PRKAR2B: variants seen among roughly 807,000 people sequenced by gnomAD.
The protein encoded by PRKAR2B is cAMP-dependent protein kinase type II-beta regulatory subunit.
PRKAR2B carries 14 observed loss-of-function variants against 49.9 expected under a neutral mutation model. The ratio of observed to expected loss-of-function variants is 0.28; its 90% CI spans 0.19 to 0.44. The LOEUF (loss-of-function observed/expected upper bound fraction) is 0.44. Ranked by LOEUF, PRKAR2B falls within the 20% of genes least tolerant of loss-of-function variation. The pLI is 1.00. For missense variants in PRKAR2B, 393 were observed against 537.9 expected (o/e 0.73, Z 2.67); for synonymous variants, 196 against 197.7 (o/e 0.99, Z 0.07).
chr7:107,062,216 A>G (rs1304136237), intron 1 of PRKAR2B, among the ~76,000 whole-genome samples: 1 of 152,236 alleles, frequency 6.6e-6, no homozygotes, highest in South Asian at 2.1e-4. Context: ...ATGGTTGTAA[A>G]CATATGCTTT....
chr7:107,147,056 C>T (rs1795906760), intron 6 of PRKAR2B, among the ~76,000 whole-genome samples: 1 of 148,306 alleles, frequency 6.7e-6, no homozygotes, highest in Non-Finnish European at 1.5e-5. Context: ...TCATGTGCCC[C>T]ACATCAGAAT....
chr7:107,110,214 A>G (rs891785472), intron 2 of PRKAR2B, among the ~76,000 whole-genome samples: 7 of 152,174 alleles, frequency 4.6e-5, no homozygotes, highest in East Asian at 1.9e-4. Context: ...CACAGAAGGA[A>G]TATTTAAACC....
chr7:107,071,409 T>A (rs1794275248), intron 2 of PRKAR2B, among the ~76,000 whole-genome samples: 1 of 152,254 alleles, frequency 6.6e-6, no homozygotes, highest in Non-Finnish European at 1.5e-5. Context: ...AACATCTACT[T>A]TATCATTCTG....
chr7:107,054,134 G>C (rs1800921455), intron 1 of PRKAR2B, among the ~76,000 whole-genome samples: 1 of 152,064 alleles, frequency 6.6e-6, no homozygotes, highest in African/African-American at 2.4e-5. Flanking sequence ...CGAATCATGA[G>C]GTCAGGAAAT....
intron 2 of PRKAR2B, among the ~76,000 whole-genome samples, chr7:107,083,306 A>G (rs1421214362): frequency 6.6e-6 from 1 of 152,068 alleles, no homozygotes; most frequent in Non-Finnish European, 1.5e-5. Flanking sequence ...CTAATAAGGG[A>G]AGTAGCTCAA....
chr7:107,072,365 TATAAG>T (rs1346722973), intron 2 of PRKAR2B, among the ~76,000 whole-genome samples: 2 of 152,026 alleles, frequency 1.3e-5, no homozygotes, highest in Admixed American at 1.3e-4. Context: ...TGACATTAAT[TATAAG>T]AAAGAAAAGA....
At chr7:107,056,150 G>C (rs1793906963) in intron 1 of PRKAR2B, among the ~76,000 whole-genome samples, 2 of 152,116 alleles carry the variant, frequency 1.3e-5, no homozygotes, top group Admixed American at 6.6e-5. Context: ...GTTTCTGAGG[G>C]CTCTGTTCTG....
intron 2 of PRKAR2B, among the ~76,000 whole-genome samples, chr7:107,117,203 G>A (rs1431550452): frequency 6.6e-6 from 1 of 151,832 alleles, no homozygotes; most frequent in Non-Finnish European, 1.5e-5. Flanking sequence ...GTTGATGCAT[G>A]CCTTCAACTA....
chr7:107,101,808 G>A (rs975694706), intron 2 of PRKAR2B, among the ~76,000 whole-genome samples: 1 of 149,244 alleles, frequency 6.7e-6, no homozygotes, highest in African/African-American at 2.5e-5. Flanking sequence ...CTCAAAATCA[G>A]TAGCTATTTT....
intron 8 of PRKAR2B, among the ~76,000 whole-genome samples, chr7:107,155,255 G>A (rs1213933089): frequency 6.6e-6 from 1 of 152,098 alleles, no homozygotes; most frequent in East Asian, 1.9e-4. Context: ...CAGTGGTAGA[G>A]AATATATTAT....
At chr7:107,095,136 G>A (rs1212390605) in intron 2 of PRKAR2B, among the ~76,000 whole-genome samples, 2 of 152,316 alleles carry the variant, frequency 1.3e-5, no homozygotes, top group Middle Eastern at 3.4e-3. Flanking sequence ...TCCTATCCAT[G>A]AGCATGAAAT....
chr7:107,053,466 A>G (rs575732317), intron 1 of PRKAR2B, among the ~76,000 whole-genome samples: 2 of 152,128 alleles, frequency 1.3e-5, no homozygotes, highest in South Asian at 4.2e-4. Context: ...TACTCTAGTA[A>G]TATATAAAGT....
At chr7:107,124,395 C>T (rs190839545) in intron 3 of PRKAR2B, among the ~76,000 whole-genome samples, 26 of 152,284 alleles carry the variant, frequency 1.7e-4, no homozygotes, top group African/African-American at 6.3e-4. Flanking sequence ...CCTCTTGGAG[C>T]TTACAGTCTA....
intron 6 of PRKAR2B, among the ~76,000 whole-genome samples, chr7:107,149,232 G>T (rs1185984006): frequency 6.6e-6 from 1 of 152,064 alleles, no homozygotes; most frequent in Non-Finnish European, 1.5e-5. Context: ...TAATTATCTT[G>T]TAAAATTTTC....
chr7:107,098,034 T>C (rs957960024), intron 2 of PRKAR2B, among the ~76,000 whole-genome samples: 3 of 152,210 alleles, frequency 2.0e-5, no homozygotes, highest in Non-Finnish European at 4.4e-5. Context: ...TTCTCTGTAT[T>C]TCCTGAATTT....
chr7:107,084,295 A>G (rs1794571176), intron 2 of PRKAR2B, among the ~76,000 whole-genome samples: 1 of 152,172 alleles, frequency 6.6e-6, no homozygotes. Context: ...GCCCCAAATT[A>G]TAAAATAGTT....
At chr7:107,073,222 T>C (rs903479250) in intron 2 of PRKAR2B, among the ~76,000 whole-genome samples, 2 of 152,218 alleles carry the variant, frequency 1.3e-5, no homozygotes, top group Non-Finnish European at 2.9e-5. Flanking sequence ...TCTTTTGTTA[T>C]GAAGGTGAGA....
intron 2 of PRKAR2B, among the ~76,000 whole-genome samples, chr7:107,118,452 AT>A (rs1394705205): frequency 4.8e-4 from 56 of 116,474 alleles, no homozygotes; most frequent in Non-Finnish European, 1.4e-4. Context: ...CCAGTCATTT[AT>A]TTAAAAAAAA....
chr7:107,097,412 G>A (rs1472421285), intron 2 of PRKAR2B, among the ~76,000 whole-genome samples: 1 of 152,112 alleles, frequency 6.6e-6, no homozygotes, highest in African/African-American at 2.4e-5. Flanking sequence ...CTCTGCACGT[G>A]AGATGGGTCT....
Sources: gnomAD v4.1 joint callset for allele counts (sites outside exome capture counted in the v4.1 genomes callset) on GRCh38, gnomAD v4.1.1 for gene constraint, MANE v1.5 for transcripts, NCBI Gene and HGNC (gene_info 2026-07-23, HGNC 2026-07-21) for gene names.